Variants in NPHP3 observed in about 807,000 individuals in gnomAD.
NPHP3 encodes the protein nephrocystin-3.
Under a neutral mutation model 171.9 loss-of-function variants are expected in NPHP3, and 123 were observed. The ratio of observed to expected loss-of-function variants is 0.72; its 90% CI spans 0.62 to 0.83. The LOEUF (loss-of-function observed/expected upper bound fraction) is 0.83, where lower values mean the gene tolerates loss of function less well. NPHP3 is among the 40% of genes least tolerant of loss of function. NPHP3 has a pLI of 0.00. For missense variants in NPHP3, 1,506 were observed against 1,591.9 expected (o/e 0.95, Z 0.92); for synonymous variants, 558 against 579.2 (o/e 0.96, Z 0.52).
Position 132,713,298 on chromosome 3 carries a change from T to C in NPHP3, c.958-12A>G, listed in dbSNP as rs1285802748. On this transcript the variant is annotated splice_polypyrimidine_tract_variant and intron_variant, in intron 5 of 26. Coordinates refer to ENST00000337331, the MANE Select transcript of NPHP3 (RefSeq NM_153240.5). ...TTAGGTGAATAGTCCTAAAAACAAA[T>C]GAAAACATACAAAAGTTTAATGTAT... is the stretch of plus-strand genomic sequence containing the variant. 8 of 1,573,644 alleles carry C rather than the reference T, an allele frequency of 5.1e-6. No individual in the cohort carries two copies. The highest frequency in any genetic ancestry group is 2.3e-5 in the South Asian group (2 of 85,682).
intron 16 of NPHP3, chr3:132,693,579 T>C (rs1171931461): frequency 1.3e-5 from 2 of 152,104 alleles, no homozygotes; most frequent in Admixed American, 6.6e-5. Context: ...AACATAAAAA[T>C]AGATCCAGGT....
intron 5 of NPHP3, among the ~76,000 whole-genome samples, 198 bp from the exon 6 acceptor site, chr3:132,713,484 A>T (rs1366929806): frequency 6.6e-6 from 1 of 152,228 alleles, no homozygotes; most frequent in Non-Finnish European, 1.5e-5. Context: ...ATAATAGCTT[A>T]GCAACTTGGC....
chr3:132,698,702 G>A (rs758009174), intron 13 of NPHP3, among the ~76,000 whole-genome samples: 34 of 152,056 alleles, frequency 2.2e-4, no homozygotes, highest in Non-Finnish European at 3.5e-4. Context: ...ACTAGACATC[G>A]TTACGTGGAG....
chr3:132,707,300 A>T (rs1363721416), intron 7 of NPHP3, among the ~76,000 whole-genome samples: 1 of 152,078 alleles, frequency 6.6e-6, no homozygotes, highest in African/African-American at 2.4e-5. Context: ...CCATCTCTAT[A>T]AAAATTTTAA....
Position 132,692,787 on chromosome 3 carries a change from C to T in NPHP3, c.2342G>A (p.Gly781Asp), listed in dbSNP as rs781180515. Residue 781 changes from glycine to aspartate, a missense_variant, in exon 17 of 27, where the codon GGT (glycine) becomes GAT (aspartate). By Grantham distance (94) the Gly-to-Asp change is moderately conservative (BLOSUM62 -1). Coordinates refer to ENST00000337331, the MANE Select transcript of NPHP3 (RefSeq NM_153240.5). Reference protein sequence around the residue: ...ILCLVNVSHNGVSESELMELY... With the variant: ...ILCLVNVSHNDVSESELMELY... ...TTCCATCAGTTCTGATTCACTCACA[C>T]CATTGTGACTAACATTGACAAGGCA... 83 of 1,613,838 alleles carry T rather than the reference C, an allele frequency of 5.1e-5. No individual in the cohort carries two copies. Among genetic ancestry groups the T allele is most frequent in the Non-Finnish European group, 6.4e-5 (76 of 1,179,910 alleles).
In NPHP3 at chr3:132,716,797, A is replaced by G. The variant is rs752050701; in HGVS notation, c.783T>C (p.Ser261=). 6.2e-7 allele frequency: 1 copy of G among 1,614,210 alleles called. No homozygotes were observed. Among genetic ancestry groups the G allele is most frequent in the Admixed American group, 1.7e-5 (1 of 60,032 alleles). ...QSFRGPEFAH[S]SIDVEGPFAN... Reference sequence around the variant, plus strand: ...CAAAGGGTCCTTCCACATCTATAGAACTATGGGCAAACTCAGGGCCTCTGA... The same window carrying G: ...CAAAGGGTCCTTCCACATCTATAGAGCTATGGGCAAACTCAGGGCCTCTGA... Residue 261 remains serine, a synonymous_variant, in exon 4 of 27, where the codon AGT becomes AGC. Transcript: ENST00000337331.
chr3:132,720,659 A>C (rs149236243), intron 1 of NPHP3, among the ~76,000 whole-genome samples: 2,454 of 151,956 alleles, frequency 0.016, 67 homozygotes, highest in African/African-American at 0.056. Context: ...TTAAAAACAA[A>C]AACAACAACA....
chr3:132,713,115 T>G lies in NPHP3; in HGVS notation c.1118+11A>C, dbSNP rs751629184. On this transcript the variant is annotated intron_variant, in intron 6 of 26. Coordinates refer to ENST00000337331, the MANE Select transcript of NPHP3 (RefSeq NM_153240.5). ...ACTGCTTATAATAAATTACATTTTTTTTCAGCTTACCTTGGTAATGTTAAG... is the reference window on the plus strand; with the variant it reads ...ACTGCTTATAATAAATTACATTTTTGTTCAGCTTACCTTGGTAATGTTAAG... The G allele has an allele frequency of 2.9e-6, 4 of 1,365,680 alleles. No individual in the cohort carries two copies. Among genetic ancestry groups the G allele is most frequent in the Non-Finnish European group, 4.1e-6 (4 of 978,874 alleles). 84.6% of individuals were successfully genotyped at this position (1,365,680 alleles called of 1,614,324 possible).
intron 23 of NPHP3, chr3:132,686,048 CAAAA>C (rs374302036): frequency 6.7e-5 from 25 of 372,152 alleles, no homozygotes; most frequent in Admixed American, 1.8e-4. Flanking sequence ...GACTCCGTCT[CAAAA>C]AAAAAAAAAA....
chr3:132,714,448 A>T (rs1939993025), intron 5 of NPHP3, among the ~76,000 whole-genome samples: 2 of 152,168 alleles, frequency 1.3e-5, no homozygotes, highest in African/African-American at 2.4e-5. Flanking sequence ...TGGAAGAGAG[A>T]GTAACTAAAG....
Position 132,696,776 on chromosome 3 carries a change from G to T in NPHP3, c.2126C>A (p.Thr709Asn), listed in dbSNP as rs1560006477. Residue 709 changes from threonine (T) to asparagine (N), a missense_variant, in exon 15 of 27, where the codon ACC (threonine) becomes AAC (asparagine). This residue lies in a region of NPHP3 where 930 missense variants were observed against 924.9 expected (regional missense o/e 1.01). Transcript: ENST00000337331. ...KLERHCRSAT[T>N]CNALYVTLFG... ...AAGGGTGACATAAAGGGCATTGCAG[G>T]TTGTAGCAGAACGACAGTGTCGTTC... The T allele has an allele frequency of 1.9e-6, 3 of 1,614,134 alleles. No individual in the cohort carries two copies. The highest frequency in any genetic ancestry group is 2.2e-5 in the East Asian group (1 of 44,886).
Position 132,683,406 on chromosome 3 carries a change from C to G in NPHP3, c.3689G>C (p.Ser1230Thr). Residue 1230 changes from serine to threonine, a missense_variant, in exon 25 of 27, where the codon AGC becomes ACC. By Grantham distance (58) the Ser-to-Thr change is moderately conservative (BLOSUM62 1). Transcript: ENST00000337331. ...TAAAATATGGGAACTTACCATTTGG[C>G]TATAAAGAACAGCTAAGTTCACCAA... Reference protein sequence around the residue: ...TALVNLAVLYSQMKKHVEALP... With the variant: ...TALVNLAVLYTQMKKHVEALP... 1 of 1,612,818 alleles carries G rather than the reference C, an allele frequency of 6.2e-7. No individual in the cohort carries two copies. The highest frequency in any genetic ancestry group is 1.3e-5 in the African/African-American group (1 of 75,006).
In NPHP3 at chr3:132,721,787, A is replaced by T. The variant is rs1010393832; in HGVS notation, c.393+176T>A. 14 of 879,220 alleles carry T rather than the reference A, an allele frequency of 1.6e-5. No individual in the cohort carries two copies. The Admixed American group carries it at 2.6e-4, about 16-fold the overall frequency. 54.5% of individuals were successfully genotyped at this position (879,220 alleles called of 1,614,324 possible). A position where few individuals can be genotyped will look rare whatever the true frequency, so the allele number is the denominator to read the frequency against. ...CCGCAGCGAGACCCTGTCTCCAAAA[A>T]AAGAGACAGAAAAAGGGGAGGGTTA... On this transcript the variant is annotated intron_variant, in intron 1 of 26. Coordinates refer to ENST00000337331, the MANE Select transcript of NPHP3 (RefSeq NM_153240.5).
At position 132,708,131 on chromosome 3, in the gene NPHP3, A is replaced by C. The variant is rs772276779; in HGVS notation, c.1245T>G (p.Val415=). 2.5e-6 allele frequency: 4 copies of C among 1,614,208 alleles called. No homozygotes were observed. In the Admixed American group the frequency reaches 6.7e-5, roughly 27 times the overall value. Residue 415 remains valine (V), a synonymous_variant, in exon 7 of 27, where the codon GTT becomes GTG. Transcript: ENST00000337331. The part of the protein sequence containing the change: ...SDSVQQLIDQ[V]SNLNKTSKAK... The stretch of plus-strand genomic sequence containing the variant: ...CTTTGCTGGTCTTGTTTAGATTAGA[A>C]ACTTGATCAATCAATTGCTGGACAG...
Position 132,701,496 on chromosome 3 carries a change from G to A in NPHP3, c.1562C>T (p.Ala521Val). Residue 521 changes from alanine to valine, a missense_variant, in exon 10 of 27, where the codon GCC (alanine) becomes GTC (valine). Physicochemically the swap from Ala to Val is moderately conservative, Grantham distance 64. Transcript: ENST00000337331. ...AGACACGAGAAGAGGTGGAATCGGG[G>A]CTGGTGCTGCCACTAGATCATTAAG... Reference protein sequence around the residue: ...QRLNDLVAAPAPIPPLLVSGG... With the variant: ...QRLNDLVAAPVPIPPLLVSGG... The A allele has an allele frequency of 6.2e-7, 1 of 1,613,682 alleles. No homozygotes were observed. Among genetic ancestry groups the A allele is most frequent in the Non-Finnish European group, 8.5e-7 (1 of 1,179,728 alleles).
intron 7 of NPHP3, 135 bp downstream of exon 7, chr3:132,707,966 C>T: frequency 2.5e-6 from 2 of 804,672 alleles, no homozygotes; most frequent in East Asian, 2.7e-5. Context: ...CCTCCTACTC[C>T]CCTCACTTAT....
chr3:132,699,243 C>T (rs1939539693), intron 13 of NPHP3, 110 bp downstream of exon 13: 2 of 745,014 alleles, frequency 2.7e-6, no homozygotes, highest in Admixed American at 2.1e-5. Context: ...CCCATCCTCA[C>T]TGCAAGTTAC....
chr3:132,705,425 G>C (rs1024591940), intron 8 of NPHP3, among the ~76,000 whole-genome samples: 1 of 152,166 alleles, frequency 6.6e-6, no homozygotes, highest in African/African-American at 2.4e-5. Flanking sequence ...AAAATTCACA[G>C]AGGAGCCTCC....
chr3:132,689,167 C>G lies in NPHP3; in HGVS notation c.2790G>C (p.Glu930Asp), dbSNP rs1453175564. The G allele has an allele frequency of 1.9e-6, 3 of 1,614,036 alleles. No individual in the cohort carries two copies. The East Asian group carries it at 6.7e-5, about 36-fold the overall frequency. The change falls in exon 20 of 27, where the codon GAG (glutamate) becomes GAC (aspartate). Residue 930 changes from glutamate to aspartate, a missense_variant. Physicochemically the swap from Glu to Asp is conservative, Grantham distance 45. Around this residue, in one of 3 missense-constraint regions of NPHP3, gnomAD observed 569 missense variants for 648.1 expected, o/e 0.88. Coordinates refer to ENST00000337331, the MANE Select transcript of NPHP3 (RefSeq NM_153240.5). The stretch of plus-strand genomic sequence containing the variant: ...TGTTGTCCTCGCCTTCGCAGTTTTT[C>G]TCATACTGCTTCAATGAATCGAAGT... Reference protein sequence around the residue: ...TEYFDSLKQYEKNCEGEDNMS... With the variant: ...TEYFDSLKQYDKNCEGEDNMS...
Sources: gnomAD v4.1 joint callset for allele counts (sites outside exome capture counted in the v4.1 genomes callset) on GRCh38, gnomAD v4.1.1 for gene constraint, gnomAD v4.1.1 regional missense constraint, MANE v1.5 for transcripts, NCBI Gene and HGNC (gene_info 2026-07-23, HGNC 2026-07-21) for gene names.